VPS54: variants seen among roughly 807,000 people sequenced by gnomAD.
VPS54 encodes vacuolar protein sorting-associated protein 54.
VPS54 carries 45 observed loss-of-function variants against 121.5 expected under a neutral mutation model. That is an observed-to-expected ratio of 0.37 (90% confidence interval 0.29 to 0.47). VPS54 has a LOEUF of 0.47. Ranked by LOEUF, VPS54 falls within the 20% of genes least tolerant of loss-of-function variation. VPS54 has a pLI of 0.99. For missense variants in VPS54, 1,090 were observed against 1,131.4 expected, an observed-to-expected ratio of 0.96 and a Z score of 0.52; for synonymous variants, 371 against 385.8, an observed-to-expected ratio of 0.96 and a Z score of 0.45.
chr2:64,003,650 A>G (rs1039522991), intron 1 of VPS54, among the ~76,000 whole-genome samples: 4 of 152,220 alleles, frequency 2.6e-5, no homozygotes, highest in African/African-American at 4.8e-5. Flanking sequence ...ACAGCTGCCA[A>G]TAATACTTAA....
At chr2:63,924,670 A>T (rs1232856676) in intron 12 of VPS54, among the ~76,000 whole-genome samples, 1 of 152,166 alleles carries the variant, frequency 6.6e-6, no homozygotes, top group Non-Finnish European at 1.5e-5. Context: ...TGTTTAAGAA[A>T]ACAAAAGCTA....
intron 22 of VPS54, 74 bp downstream of exon 22, chr2:63,897,422 G>T: frequency 9.5e-7 from 1 of 1,057,958 alleles, no homozygotes; most frequent in South Asian, 1.5e-5. Context: ...AGAAAAGGAT[G>T]GCACAAATAA....
intron 12 of VPS54, among the ~76,000 whole-genome samples, chr2:63,927,561 G>C (rs1034532099): frequency 3.3e-5 from 5 of 152,204 alleles, no homozygotes; most frequent in African/African-American, 1.2e-4. Context: ...GGAGAAACCA[G>C]AGTAGAAATG....
intron 3 of VPS54, chr2:63,975,046 AT>A (rs756538012): frequency 2.5e-4 from 369 of 1,492,642 alleles, no homozygotes; most frequent in South Asian, 7.1e-4. Flanking sequence ...GTTTTTGTAG[AT>A]TTTTTTTTTC....
chr2:63,897,368 A>C (rs1672489846), intron 22 of VPS54, 128 bp downstream of exon 22: 1 of 634,460 alleles, frequency 1.6e-6, no homozygotes, highest in Non-Finnish European at 2.6e-6. Context: ...AAAAACACAA[A>C]AGCTTGCTGA....
At position 63,981,831 on chromosome 2, in the gene VPS54, T is replaced by A; in HGVS notation, c.193A>T (p.Thr65Ser). 6.2e-7 allele frequency: 1 copy of A among 1,613,604 alleles called. No individual in the cohort carries two copies. The highest frequency in any genetic ancestry group is 8.5e-7 in the Non-Finnish European group (1 of 1,179,668). ...AGATTTACTTTGGAATGATATACAG[T>A]CCATCTATGTTGATCTGTAACTAGA... Reference protein sequence around the residue: ...PSLVTDQHRWTVYHSKVNLPA... With the variant: ...PSLVTDQHRWSVYHSKVNLPA... The change falls in exon 3 of 23, where the codon ACT becomes TCT. Residue 65 changes from threonine (T) to serine (S), a missense_variant. Thr to Ser is a moderately conservative substitution (Grantham distance 58). Coordinates refer to ENST00000272322, the MANE Select transcript of VPS54 (RefSeq NM_016516.3).
intron 1 of VPS54, among the ~76,000 whole-genome samples, chr2:63,999,389 T>C (rs563565709): frequency 1.3e-5 from 2 of 152,354 alleles, no homozygotes; most frequent in East Asian, 1.9e-4. Context: ...AAAAGGTTTT[T>C]TCCTTCGGCA....
At chr2:63,938,049 TG>T (rs1371359784) in intron 11 of VPS54, among the ~76,000 whole-genome samples, 1 of 118,958 alleles carries the variant, frequency 8.4e-6, no homozygotes, top group African/African-American at 2.8e-5. Flanking sequence ...TGTGTGTGTG[TG>T]GTGTGTGTGG....
chr2:63,986,964 T>C (rs1451213554), intron 1 of VPS54, among the ~76,000 whole-genome samples: 1 of 152,224 alleles, frequency 6.6e-6, no homozygotes, highest in East Asian at 1.9e-4. Context: ...TATATTCTTG[T>C]TATTAATCCC....
intron 12 of VPS54, among the ~76,000 whole-genome samples, chr2:63,930,190 G>C (rs1674122364): frequency 6.6e-6 from 1 of 152,026 alleles, no homozygotes; most frequent in Non-Finnish European, 1.5e-5. Flanking sequence ...TGATACCAAA[G>C]CCTGGAAGAG....
rs1673274921 is a variant in VPS54 at position 63,914,164 on chromosome 2, GA to G, written c.2334+17del. 1 of 1,585,590 alleles carries G rather than the reference GA, an allele frequency of 6.3e-7. No individual in the cohort carries two copies. The highest frequency in any genetic ancestry group is 8.6e-7 in the Non-Finnish European group (1 of 1,156,216). ...TTCCTCGAAAAATTTTTCCATAATG[GA>G]GTGAAGTCATACATACCTTCAATAA... On this transcript the variant is annotated intron_variant, in intron 17 of 22. Transcript: ENST00000272322.
At chr2:63,952,111 T>G (rs911334691) in intron 7 of VPS54, among the ~76,000 whole-genome samples, 7 of 152,200 alleles carry the variant, frequency 4.6e-5, no homozygotes, top group African/African-American at 1.7e-4. Flanking sequence ...TGGACTCAAT[T>G]CAATCTTTCT....
intron 8 of VPS54, among the ~76,000 whole-genome samples, chr2:63,948,547 T>C (rs774336567): frequency 2.0e-5 from 3 of 150,976 alleles, no homozygotes; most frequent in Non-Finnish European, 4.4e-5. Flanking sequence ...CAGGTGTGCA[T>C]GCACCACTAC....
At chr2:63,906,701 C>T (rs1672918343) in intron 20 of VPS54, among the ~76,000 whole-genome samples, 1 of 152,140 alleles carries the variant, frequency 6.6e-6, no homozygotes, top group Admixed American at 6.5e-5. Flanking sequence ...TTCTGGCTAG[C>T]AGGTGCAATC....
chr2:64,000,804 GGCACTGCACTGGGTCAGACCTGAAGCCA>G (rs1184002644), intron 1 of VPS54, among the ~76,000 whole-genome samples: 2 of 152,204 alleles, frequency 1.3e-5, no homozygotes, highest in African/African-American at 4.8e-5. Context: ...GGTCAACACT[GGCACTGCACTGGGTCAGACCTGAAGCCA>G]GCACAGCACT....
At chr2:63,926,966 G>A (rs1313760834) in intron 12 of VPS54, among the ~76,000 whole-genome samples, 1 of 152,136 alleles carries the variant, frequency 6.6e-6, no homozygotes, top group Non-Finnish European at 1.5e-5. Flanking sequence ...GCTTGAGTAG[G>A]CAGTTCTATG....
At chr2:63,991,279 T>G (rs1211746451) in intron 1 of VPS54, among the ~76,000 whole-genome samples, 1 of 152,200 alleles carries the variant, frequency 6.6e-6, no homozygotes, top group East Asian at 1.9e-4. Context: ...CATTGAAAAA[T>G]CTGTCTGATG....
intron 20 of VPS54, among the ~76,000 whole-genome samples, chr2:63,908,995 A>G (rs976054479): frequency 2.0e-5 from 3 of 152,280 alleles, no homozygotes; most frequent in African/African-American, 4.8e-5. Flanking sequence ...TATCTCAGAG[A>G]TCTGTTCTCC....
intron 1 of VPS54, among the ~76,000 whole-genome samples, chr2:64,000,198 T>A: frequency 6.6e-6 from 1 of 152,216 alleles, no homozygotes; most frequent in East Asian, 1.9e-4. Flanking sequence ...CATTCTTCAG[T>A]ATGTCAATTG....
Sources: allele counts gnomAD v4.1 joint callset (sites outside exome capture counted in the v4.1 genomes callset), GRCh38; gene constraint gnomAD v4.1.1; transcripts MANE v1.5; gene names NCBI Gene and HGNC (gene_info 2026-07-23, HGNC 2026-07-21).